CTNND2: variants seen among roughly 807,000 people sequenced by gnomAD.
The protein encoded by CTNND2 is catenin delta 2, also known as catenin delta-2.
In CTNND2, 22 loss-of-function variants were observed where a neutral mutation model predicts 144.4. That is an observed-to-expected ratio of 0.15 (90% CI 0.11 to 0.22). The LOEUF (loss-of-function observed/expected upper bound fraction) is 0.22, where lower values mean the gene tolerates loss of function less well. CTNND2 is among the 10% of genes least tolerant of loss of function. CTNND2 has a pLI of 1.00. For missense variants in CTNND2, 1,353 were observed against 1,618.8 expected (o/e 0.84, Z 2.82); for synonymous variants, 751 against 695.6 (o/e 1.08, Z -1.25).
Position 11,305,218 on chromosome 5 carries a change from C to T in CTNND2, c.1628+41154G>A, listed in dbSNP as rs1350944783. Reference sequence around the variant, plus strand: ...ACAGGGCAGGTACTATTACCATCTCCGTTTGACAGATGAGGAACCTGGCAC... The same window carrying T: ...ACAGGGCAGGTACTATTACCATCTCTGTTTGACAGATGAGGAACCTGGCAC... On this transcript the variant is annotated intron_variant, in intron 9 of 21. Coordinates refer to ENST00000304623, the MANE Select transcript of CTNND2 (RefSeq NM_001332.4). Among the ~76,000 whole-genome samples the T allele has an allele frequency of 3.9e-5, 6 of 152,272 alleles. 1 individual carries two copies. Among genetic ancestry groups the T allele is most frequent in the East Asian group, 1.9e-4 (1 of 5,182 alleles).
At chr5:11,206,930 C>G (rs1252405610) in intron 10 of CTNND2, among the ~76,000 whole-genome samples, 1 of 152,202 alleles carries the variant, frequency 6.6e-6, no homozygotes, top group Non-Finnish European at 1.5e-5. Context: ...ACTATCCTAT[C>G]TCTGCAGATC....
rs1040892403 is a variant in CTNND2, at chr5:11,326,820, A to T, written c.1628+19552T>A. Among the ~76,000 whole-genome samples, 3 of 152,286 alleles carry T rather than the reference A, an allele frequency of 2.0e-5. No individual in the cohort carries two copies. In the South Asian group the frequency reaches 6.2e-4, roughly 32 times the overall value. ...TTAACATTGATGTCAATGAATCACAACTGGGGGGTCTTGCTAATGCAGATT... is the reference window on the plus strand; with the variant it reads ...TTAACATTGATGTCAATGAATCACATCTGGGGGGTCTTGCTAATGCAGATT... On this transcript the variant is annotated intron_variant, in intron 9 of 21. Coordinates refer to ENST00000304623, the MANE Select transcript of CTNND2 (RefSeq NM_001332.4).
At chr5:11,016,084 G>T (rs1044225291) in intron 18 of CTNND2, among the ~76,000 whole-genome samples, 1 of 152,180 alleles carries the variant, frequency 6.6e-6, no homozygotes, top group Non-Finnish European at 1.5e-5. Flanking sequence ...ACCAAATGCA[G>T]ATAAAAAATA....
intron 12 of CTNND2, among the ~76,000 whole-genome samples, chr5:11,147,099 A>T (rs1757313271): frequency 6.6e-6 from 1 of 152,226 alleles, no homozygotes; most frequent in Non-Finnish European, 1.5e-5. Context: ...CAGGATCTAC[A>T]AGGTGCCAGA....
chr5:11,288,623 A>G (rs1455147907), intron 9 of CTNND2, among the ~76,000 whole-genome samples: 1 of 152,140 alleles, frequency 6.6e-6, no homozygotes, highest in East Asian at 1.9e-4. Context: ...TTTTCAAGGT[A>G]CCACAGAGGT....
chr5:11,230,932 C>T (rs1740932627), intron 10 of CTNND2, among the ~76,000 whole-genome samples: 1 of 152,132 alleles, frequency 6.6e-6, no homozygotes, highest in Admixed American at 6.5e-5. Flanking sequence ...CTCAGTTCAC[C>T]TCACTGCTGG....
At chr5:11,786,995 A>C (rs1455635602) in intron 1 of CTNND2, among the ~76,000 whole-genome samples, 1 of 152,234 alleles carries the variant, frequency 6.6e-6, no homozygotes, top group Non-Finnish European at 1.5e-5. Context: ...CAATAAGGTC[A>C]CATCTCATCA....
chr5:11,589,986 A>G (rs954349675), intron 2 of CTNND2, among the ~76,000 whole-genome samples: 1 of 152,100 alleles, frequency 6.6e-6, no homozygotes, highest in African/African-American at 2.4e-5. Context: ...AAAGGGCTGT[A>G]TTTAGTATTA....
rs77150370 is a variant in CTNND2, at chr5:11,706,364, G to A, written c.174+25772C>T. On this transcript the variant is annotated intron_variant, in intron 2 of 21. Transcript: ENST00000304623. ...GAATCAAGGTGGTAAAATATGGGCCGAGCAAGGGATAGGGATGAGGCCTTC... is the reference window on the plus strand; with the variant it reads ...GAATCAAGGTGGTAAAATATGGGCCAAGCAAGGGATAGGGATGAGGCCTTC... 8.0e-3 allele frequency among the ~76,000 whole-genome samples: 1,213 copies of A among 152,290 alleles called. 16 individuals carry two copies. Among genetic ancestry groups the A allele is most frequent in the African/African-American group, 0.028 (1,167 of 41,544 alleles).
At chr5:11,149,978 T>C (rs1757594846) in intron 12 of CTNND2, among the ~76,000 whole-genome samples, 1 of 152,220 alleles carries the variant, frequency 6.6e-6, no homozygotes, top group Admixed American at 6.5e-5. Context: ...TAATGACTTT[T>C]ACTTTCAATT....
chr5:11,531,163 C>A (rs560517386), intron 3 of CTNND2, among the ~76,000 whole-genome samples: 1 of 152,282 alleles, frequency 6.6e-6, no homozygotes, highest in South Asian at 2.1e-4. Context: ...GTACAAGTGT[C>A]TCCAGAAAAG....
intron 1 of CTNND2, among the ~76,000 whole-genome samples, chr5:11,847,426 A>G (rs1344496970): frequency 6.6e-6 from 1 of 151,906 alleles, no homozygotes; most frequent in Admixed American, 6.6e-5. Context: ...TACAATCTAA[A>G]TAAGTAGGCT....
intron 14 of CTNND2, 132 bp from the exon 15 acceptor site, chr5:11,098,880 G>C: frequency 1.3e-6 from 1 of 750,444 alleles, no homozygotes; most frequent in Middle Eastern, 2.4e-4. Flanking sequence ...CTGCACGGAG[G>C]CTATTGCATC....
intron 16 of CTNND2, among the ~76,000 whole-genome samples, chr5:11,032,632 G>A (rs1743600895): frequency 2.6e-5 from 4 of 151,940 alleles, no homozygotes; most frequent in Admixed American, 2.6e-4. Context: ...AAGGTTCTGA[G>A]TGCTTATTTT....
At chr5:11,151,619 A>G (rs2149753859) in intron 12 of CTNND2, among the ~76,000 whole-genome samples, 1 of 152,364 alleles carries the variant, frequency 6.6e-6, no homozygotes, top group East Asian at 1.9e-4. Flanking sequence ...TGTCCTTTTA[A>G]AAGAAGCCCA....
chr5:11,498,319 G>A (rs141701436), intron 3 of CTNND2, among the ~76,000 whole-genome samples: 13 of 151,734 alleles, frequency 8.6e-5, no homozygotes, highest in African/African-American at 1.2e-4. Flanking sequence ...CACCAAGTTC[G>A]ACAAAACAAC....
intron 2 of CTNND2, among the ~76,000 whole-genome samples, chr5:11,723,975 A>T (rs1786852433): frequency 2.0e-5 from 3 of 152,028 alleles, no homozygotes; most frequent in African/African-American, 7.2e-5. Flanking sequence ...GAATGGTGTG[A>T]ACCCGGGAGG....
intron 1 of CTNND2, among the ~76,000 whole-genome samples, chr5:11,740,358 C>A (rs541571185): frequency 6.6e-6 from 1 of 152,236 alleles, no homozygotes; most frequent in East Asian, 1.9e-4. Context: ...ACCAATGGAA[C>A]AGAACAGAGG....
chr5:11,766,385 A>G (rs1789589791), intron 1 of CTNND2, among the ~76,000 whole-genome samples: 1 of 152,160 alleles, frequency 6.6e-6, no homozygotes, highest in African/African-American at 2.4e-5. Context: ...GTGGGAGGTA[A>G]CTGAATCATG....
Sources: gnomAD v4.1 joint callset for allele counts (sites outside exome capture counted in the v4.1 genomes callset) on GRCh38, gnomAD v4.1.1 for gene constraint, MANE v1.5 for transcripts, NCBI Gene and HGNC (gene_info 2026-07-23, HGNC 2026-07-21) for gene names.